The following PRR16 variants were observed in gnomAD, a reference collection of about 807,000 sequenced individuals.
PRR16 encodes protein Largen.
A neutral mutation model predicts 18.2 loss-of-function variants in PRR16; 6 were observed. The observed-to-expected ratio is 0.33, with a 90% confidence interval of 0.18 to 0.65. PRR16 has a LOEUF of 0.65. PRR16 is among the 30% of genes least tolerant of loss of function. The probability of loss-of-function intolerance (pLI) is 0.74; values close to 1 mark genes in which losing one functional copy is unlikely to be tolerated. For missense variants in PRR16, 412 were observed against 376.6 expected, an observed-to-expected ratio of 1.09 and a Z score of -0.78; for synonymous variants, 151 against 147.8, an observed-to-expected ratio of 1.02 and a Z score of -0.16.
At chr5:120,622,492 T>G (rs1196484927) in intron 1 of PRR16, among the ~76,000 whole-genome samples, 1 of 152,008 alleles carries the variant, frequency 6.6e-6, no homozygotes, top group Non-Finnish European at 1.5e-5. Context: ...TATTTATTTA[T>G]TTTTTGAGAT....
At chr5:120,701,043 T>C in the PRR16 span, among the ~76,000 whole-genome samples, 67 of 152,320 alleles carry the variant, frequency 4.4e-4, no homozygotes, top group African/African-American at 8.9e-4. Context: ...GCCAGATTTC[T>C]GGCACATGTA....
the PRR16 span, among the ~76,000 whole-genome samples, chr5:120,754,178 A>AAT: frequency 8.9e-6 from 1 of 112,178 alleles, no homozygotes; most frequent in Admixed American, 1.2e-4. Context: ...TATAAATATA[A>AAT]ATATATAATA....
intron 1 of PRR16, among the ~76,000 whole-genome samples, chr5:120,569,769 G>A (rs990139337): frequency 1.3e-5 from 2 of 152,138 alleles, no homozygotes; most frequent in African/African-American, 4.8e-5. Flanking sequence ...CAATTTGCCA[G>A]TCAGAGGTAG....
At chr5:120,489,854 C>G (rs1176289413) in intron 1 of PRR16, among the ~76,000 whole-genome samples, 2 of 152,118 alleles carry the variant, frequency 1.3e-5, no homozygotes, top group Admixed American at 6.5e-5. Context: ...CTGGTGGTGA[C>G]AAAATCTCTC....
At chr5:120,547,968 A>G (rs1752125475) in intron 1 of PRR16, among the ~76,000 whole-genome samples, 1 of 152,098 alleles carries the variant, frequency 6.6e-6, no homozygotes, top group Non-Finnish European at 1.5e-5. Context: ...GAATAAAAAT[A>G]CCAAACTTTA....
At chr5:120,540,522 T>A (rs1275758783) in intron 1 of PRR16, among the ~76,000 whole-genome samples, 1 of 152,150 alleles carries the variant, frequency 6.6e-6, no homozygotes, top group Non-Finnish European at 1.5e-5. Flanking sequence ...CACGTAGCCT[T>A]GTATACTGTC....
chr5:120,468,940 A>G (rs1413572211), intron 1 of PRR16, among the ~76,000 whole-genome samples: 1 of 152,244 alleles, frequency 6.6e-6, no homozygotes, highest in African/African-American at 2.4e-5. Context: ...ACTCTAACAG[A>G]GAAACTAAAA....
intron 1 of PRR16, among the ~76,000 whole-genome samples, chr5:120,487,884 T>C (rs1391113795): frequency 1.3e-5 from 2 of 152,212 alleles, no homozygotes; most frequent in Non-Finnish European, 2.9e-5. Context: ...TCAAAGGCCT[T>C]TTCTGCATCT....
At chr5:120,617,534 A>C (rs551799364) in intron 1 of PRR16, among the ~76,000 whole-genome samples, 66 of 152,272 alleles carry the variant, frequency 4.3e-4, no homozygotes, top group African/African-American at 1.6e-3. Context: ...TTGTTTGTTC[A>C]AAACCGCAAG....
intron 1 of PRR16, among the ~76,000 whole-genome samples, chr5:120,645,125 C>T (rs978100938): frequency 1.3e-5 from 2 of 152,028 alleles, no homozygotes; most frequent in Admixed American, 6.6e-5. Context: ...CTCCATTTAG[C>T]GTCTGTTATG....
In PRR16 at chr5:120,550,946, A is replaced by G. The variant is rs150149963; in HGVS notation, c.159+86301A>G. Among the ~76,000 whole-genome samples the G allele has an allele frequency of 4.4e-3, 677 of 152,166 alleles. 16 individuals carry two copies. The highest frequency in any genetic ancestry group is 0.038 in the Admixed American group (581 of 15,250). ...AAAAAATTGTATATATTCAAAGTAT[A>G]CAATGTGACGTTCTGATACATGTAG... On this transcript the variant is annotated intron_variant, in intron 1 of 1. Coordinates refer to ENST00000407149, the MANE Select transcript of PRR16 (RefSeq NM_001300783.2).
the PRR16 span, among the ~76,000 whole-genome samples, chr5:120,791,607 C>CTATA: frequency 1.2e-5 from 1 of 83,570 alleles, no homozygotes. Flanking sequence ...ATCTATCTAT[C>CTATA]TATCTATCTA....
intron 1 of PRR16, among the ~76,000 whole-genome samples, chr5:120,480,748 G>A (rs977141682): frequency 6.6e-6 from 1 of 152,110 alleles, no homozygotes; most frequent in African/African-American, 2.4e-5. Flanking sequence ...ATATATTTAA[G>A]TCTTGTTTTG....
the PRR16 span, among the ~76,000 whole-genome samples, chr5:120,734,196 C>G: frequency 6.6e-6 from 1 of 152,140 alleles, no homozygotes; most frequent in Non-Finnish European, 1.5e-5. Flanking sequence ...CCTGCCTGGC[C>G]AGAGTATTGG....
chr5:120,640,591 C>T (rs1755389195), intron 1 of PRR16, among the ~76,000 whole-genome samples: 2 of 152,172 alleles, frequency 1.3e-5, no homozygotes, highest in Middle Eastern at 3.4e-3. Context: ...ATTGGAATTA[C>T]ATTTAGGCTG....
chr5:120,641,573 C>T (rs565289505), intron 1 of PRR16, among the ~76,000 whole-genome samples: 2 of 152,012 alleles, frequency 1.3e-5, no homozygotes, highest in South Asian at 2.1e-4. Flanking sequence ...AAAATGAACC[C>T]CACACAGGAT....
chr5:120,684,465 T>C (rs1332534219), intron 1 of PRR16, among the ~76,000 whole-genome samples: 1 of 152,124 alleles, frequency 6.6e-6, no homozygotes, highest in Non-Finnish European at 1.5e-5. Flanking sequence ...TAGACCTAAG[T>C]AAGAGAGGAG....
chr5:120,681,217 A>G (rs1756963382), intron 1 of PRR16, among the ~76,000 whole-genome samples: 1 of 151,878 alleles, frequency 6.6e-6, no homozygotes, highest in Non-Finnish European at 1.5e-5. Flanking sequence ...ATTTTTTAAG[A>G]TTTCTTATTT....
the PRR16 span, among the ~76,000 whole-genome samples, chr5:120,701,949 C>A: frequency 6.6e-6 from 1 of 152,010 alleles, no homozygotes; most frequent in East Asian, 1.9e-4. Flanking sequence ...TGGGGTCAAG[C>A]GGCATTGCAG....
Sources: allele counts gnomAD v4.1 joint callset (sites outside exome capture counted in the v4.1 genomes callset), GRCh38; gene constraint gnomAD v4.1.1; transcripts MANE v1.5; gene names NCBI Gene and HGNC (gene_info 2026-07-23, HGNC 2026-07-21).